Variants in RADX observed in about 807,000 individuals in gnomAD.
RADX encodes the protein RPA-related protein RADX.
Under a neutral mutation model 61.6 loss-of-function variants are expected in RADX, and 36 were observed. That is an observed-to-expected ratio of 0.58 (90% CI 0.45 to 0.77). The LOEUF (loss-of-function observed/expected upper bound fraction) is 0.77, where lower values mean the gene tolerates loss of function less well. Ranked by LOEUF, RADX falls within the 30% of genes least tolerant of loss-of-function variation. The pLI is 0.00. For synonymous variants in RADX, 272 were observed against 237.9 expected (o/e 1.14, Z -1.32); for missense variants, 497 against 651.1 (o/e 0.76, Z 2.58).
At chrX:106,654,357 C>T (rs1378452870) in intron 11 of RADX, among the ~76,000 whole-genome samples, 2 of 110,778 alleles carry the variant, frequency 1.8e-5, no homozygotes, top group Non-Finnish European at 3.8e-5. Flanking sequence ...CTGTTCATAT[C>T]CTTCACCCAC....
chrX:106,622,514 CTTAGCTGGCAAGGT>C (rs1442235360), intron 1 of RADX, 123 bp from the exon 2 acceptor site: 2 of 493,762 alleles, frequency 4.1e-6, no homozygotes, highest in African/African-American at 2.4e-5. Context: ...AGGTAATAGA[CTTAGCTGGCAAGGT>C]TTAGCTGGCA....
At chrX:106,673,135 G>A (rs1175899559) in intron 13 of RADX, among the ~76,000 whole-genome samples, 1 of 111,723 alleles carries the variant, frequency 9.0e-6, no homozygotes, top group East Asian at 2.8e-4. Flanking sequence ...CTGTGGCTGC[G>A]CTGGTATCTA....
intron 6 of RADX, among the ~76,000 whole-genome samples, 162 bp downstream of exon 6, chrX:106,633,414 A>G (rs1231782218): frequency 1.8e-5 from 2 of 111,744 alleles, no homozygotes. Flanking sequence ...CGTTTTTTAT[A>G]GACATTAACA....
chrX:106,626,607 T>G (rs963284518), intron 3 of RADX, among the ~76,000 whole-genome samples: 2 of 112,190 alleles, frequency 1.8e-5, no homozygotes, highest in African/African-American at 6.5e-5. Context: ...ATGGAAACTC[T>G]CTAAGGTATG....
chrX:106,671,534 C>T (rs1041854348), intron 13 of RADX, among the ~76,000 whole-genome samples: 2 of 111,473 alleles, frequency 1.8e-5, no homozygotes, highest in African/African-American at 6.5e-5. Context: ...CTTTTTATGG[C>T]TAAATAGTAT....
At position 106,612,468 on chromosome X, in the gene RADX, A is replaced by C. The variant is rs1395359103; in HGVS notation, c.388A>C (p.Arg130=). Residue 130 remains arginine, a synonymous_variant, in exon 1 of 14, where the codon AGA becomes CGA. Coordinates refer to ENST00000372548, the MANE Select transcript of RADX (RefSeq NM_018015.6). ...TATTCTTAAAGTTGGCATTCAAATG[A>C]GAATTTCCAGGGTCTCATGTCTTTA... is the stretch of plus-strand genomic sequence containing the variant. The part of the protein sequence containing the change: ...QNILKVGIQM[R]ISRVSCLYNE... 5 of 1,211,846 alleles carry C rather than the reference A, an allele frequency of 4.1e-6. No homozygotes were observed. In the East Asian group the frequency reaches 1.5e-4, roughly 36 times the overall value.
At chrX:106,666,088 T>A (rs1928223297) in intron 12 of RADX, among the ~76,000 whole-genome samples, 1 of 112,027 alleles carries the variant, frequency 8.9e-6, no homozygotes, top group South Asian at 3.7e-4. Flanking sequence ...CGAACTAGAT[T>A]TTCAGTGCCC....
chrX:106,648,784 C>T (rs1927726978), intron 11 of RADX, among the ~76,000 whole-genome samples: 1 of 110,807 alleles, frequency 9.0e-6, no homozygotes, highest in African/African-American at 3.3e-5. Flanking sequence ...TTTCGTAATA[C>T]AATTTTTTCT....
At chrX:106,651,653 G>A (rs1364472404) in intron 11 of RADX, among the ~76,000 whole-genome samples, 1 of 111,498 alleles carries the variant, frequency 9.0e-6, no homozygotes, top group East Asian at 2.8e-4. Flanking sequence ...TGGATGGAAA[G>A]ATGAGAATTA....
At chrX:106,619,240 G>A (rs888524506) in intron 1 of RADX, among the ~76,000 whole-genome samples, 18 of 110,668 alleles carry the variant, frequency 1.6e-4, no homozygotes, top group Non-Finnish European at 2.8e-4. Flanking sequence ...TTCTGTTTCC[G>A]TCTCCAGAAT....
chrX:106,647,871 G>A (rs1427194274), intron 10 of RADX, among the ~76,000 whole-genome samples: 1 of 110,095 alleles, frequency 9.1e-6, no homozygotes, highest in Non-Finnish European at 1.9e-5. Context: ...CAAATTATTA[G>A]CTTTTTTCCT....
chrX:106,668,607 A>G (rs968396507), intron 12 of RADX, among the ~76,000 whole-genome samples: 3 of 112,039 alleles, frequency 2.7e-5, no homozygotes, highest in Non-Finnish European at 3.8e-5. Flanking sequence ...GATGACAGCC[A>G]AAGGTCAGGA....
intron 13 of RADX, among the ~76,000 whole-genome samples, chrX:106,676,258 A>T (rs901796653): frequency 1.8e-5 from 2 of 112,579 alleles, no homozygotes; most frequent in Admixed American, 9.4e-5. Context: ...ACAATTTTAA[A>T]TCATTAATTA....
intron 6 of RADX, 54 bp from the exon 7 acceptor site, chrX:106,636,489 G>T (rs1927362171): frequency 1.4e-6 from 1 of 699,693 alleles, no homozygotes; most frequent in South Asian, 2.5e-5. Context: ...TCCTGATCTT[G>T]TTATGTCCTA....
rs1296863647 is a variant in RADX, at chrX:106,640,667, C to T, written c.1850C>T (p.Thr617Ile). The T allele has an allele frequency of 8.3e-7, 1 of 1,199,649 alleles. No individual in the cohort carries two copies. ...VNSQYFQTTSTNLSLSNKIRI... is the reference protein window; with the variant it reads ...VNSQYFQTTSINLSLSNKIRI... ...TCTCAGTATTTCCAAACTACATCTACAAATTTAAGTCTGAGCAATAAAATA... is the reference window on the plus strand; with the variant it reads ...TCTCAGTATTTCCAAACTACATCTATAAATTTAAGTCTGAGCAATAAAATA... Residue 617 changes from threonine (T) to isoleucine (I), a missense_variant, in exon 10 of 14, where the codon ACA becomes ATA. By Grantham distance (89) the Thr-to-Ile change is moderately conservative (BLOSUM62 -1). Transcript: ENST00000372548.
Position 106,612,000 on chromosome X carries a change from A to C in RADX, c.-81A>C. The C allele has an allele frequency of 5.9e-6, 6 of 1,018,573 alleles. No homozygotes were observed. Among genetic ancestry groups the C allele is most frequent in the Non-Finnish European group, 8.0e-6 (6 of 748,950 alleles). The allele number at this position is 1,018,573 out of a possible 1,213,427, so 83.9% of individuals were successfully genotyped here. On this transcript the variant is annotated 5_prime_UTR_variant, in exon 1 of 14. Coordinates refer to ENST00000372548, the MANE Select transcript of RADX (RefSeq NM_018015.6). ...AGGGGCAGAGTAGCGATCGTCGCCA[A>C]AGCGCGCGGTTTTATTTCTCTCCGC...
rs757398099 is a variant in RADX, at chrX:106,617,580, G to A, written c.643+4857G>A. Among the ~76,000 whole-genome samples the A allele has an allele frequency of 1.2e-3, 136 of 111,587 alleles. 2 individuals are homozygous for A. Among genetic ancestry groups the A allele is most frequent in the African/African-American group, 4.3e-3 (133 of 30,690 alleles). ...GTGTGCAATTTCATAACTGATTAAT[G>A]TATTATTGTTGAGTTTTACACTTTA... On this transcript the variant is annotated intron_variant, in intron 1 of 13. Coordinates refer to ENST00000372548, the MANE Select transcript of RADX (RefSeq NM_018015.6).
chrX:106,629,802 G>A (rs1927167970), intron 3 of RADX, among the ~76,000 whole-genome samples: 1 of 110,791 alleles, frequency 9.0e-6, no homozygotes, highest in African/African-American at 3.3e-5. Flanking sequence ...TGGAATATTG[G>A]CAAACTGCAT....
intron 3 of RADX, among the ~76,000 whole-genome samples, chrX:106,627,952 C>T (rs1011999988): frequency 4.5e-5 from 5 of 111,637 alleles, no homozygotes; most frequent in African/African-American, 1.6e-4. Flanking sequence ...TCTCCTGCCT[C>T]AGCCTCTCAA....
Sources: allele counts gnomAD v4.1 joint callset (sites outside exome capture counted in the v4.1 genomes callset), GRCh38; gene constraint gnomAD v4.1.1; transcripts MANE v1.5; gene names NCBI Gene and HGNC (gene_info 2026-07-23, HGNC 2026-07-21).